PRORP: variants seen among roughly 807,000 people sequenced by gnomAD.
PRORP encodes protein only RNase P catalytic subunit.
Under a neutral mutation model 59.4 loss-of-function variants are expected in PRORP, and 51 were observed. The observed-to-expected ratio is 0.86, with a 90% CI of 0.69 to 1.08. The LOEUF is 1.08. PRORP is among the 50% of genes least tolerant of loss of function. PRORP has a pLI of 0.00. For synonymous variants in PRORP, 231 were observed against 245.6 expected (o/e 0.94, Z 0.55); for missense variants, 646 against 690.3 (o/e 0.94, Z 0.72).
intron 5 of PRORP, among the ~76,000 whole-genome samples, chr14:35,200,426 G>A (rs1034289033): frequency 2.0e-5 from 3 of 151,996 alleles, no homozygotes; most frequent in Non-Finnish European, 4.4e-5. Flanking sequence ...TCCTGACCTC[G>A]TGATCTGCCC....
chr14:35,211,981 A>G (rs932501558), intron 5 of PRORP, among the ~76,000 whole-genome samples: 2 of 152,228 alleles, frequency 1.3e-5, no homozygotes, highest in Non-Finnish European at 2.9e-5. Context: ...AACTAAACTT[A>G]TGGAATATTC....
chr14:35,256,144 C>T (rs983720692), intron 5 of PRORP, among the ~76,000 whole-genome samples: 13 of 150,380 alleles, frequency 8.6e-5, no homozygotes, highest in Middle Eastern at 3.4e-3. Context: ...ATTAGTTGGG[C>T]GTGGTGGCAG....
Position 35,276,735 on chromosome 14 carries a change from G to A in PRORP, c.*3169G>A, listed in dbSNP as rs888840835. ...ATTGTTAGTATCTTTAAAATCAGTT[G>A]TGAACAATGAAGGATTTGAAAGAGC... is the stretch of plus-strand genomic sequence containing the variant. On this transcript the variant is annotated 3_prime_UTR_variant, in exon 8 of 8. Transcript: ENST00000534898. The A allele has an allele frequency of 2.0e-5, 3 of 152,122 alleles. No individual in the cohort carries two copies. The highest frequency in any genetic ancestry group is 7.2e-5 in the African/African-American group (3 of 41,430). 9.4% of individuals were successfully genotyped at this position (152,122 alleles called of 1,614,324 possible).
intron 2 of PRORP, among the ~76,000 whole-genome samples, chr14:35,124,694 T>C (rs777246174): frequency 8.8e-5 from 13 of 147,762 alleles, no homozygotes; most frequent in Admixed American, 3.5e-4. Context: ...TAATTTTGTT[T>C]TCTTAGGCAT....
chr14:35,251,258 A>G (rs2138587820), intron 5 of PRORP, among the ~76,000 whole-genome samples: 1 of 152,254 alleles, frequency 6.6e-6, no homozygotes, highest in South Asian at 2.1e-4. Context: ...CAGTTCTTTT[A>G]TCCACTTGTT....
intron 4 of PRORP, among the ~76,000 whole-genome samples, chr14:35,159,601 A>G (rs1446191049): frequency 6.6e-6 from 1 of 152,186 alleles, no homozygotes; most frequent in Non-Finnish European, 1.5e-5. Flanking sequence ...CCTATTTTCC[A>G]CAATGCTTGG....
At chr14:35,265,986 G>A (rs544081204) in intron 5 of PRORP, among the ~76,000 whole-genome samples, 74 of 149,520 alleles carry the variant, frequency 4.9e-4, no homozygotes, top group African/African-American at 1.7e-3. Flanking sequence ...GACCAGCCTG[G>A]GCAGGATCGT....
At chr14:35,165,625 G>T (rs754052602) in intron 4 of PRORP, among the ~76,000 whole-genome samples, 2 of 126,192 alleles carry the variant, frequency 1.6e-5, no homozygotes, top group African/African-American at 3.1e-5. Flanking sequence ...GTGAGGAGAC[G>T]ATTAGGTGAT....
chr14:35,211,963 G>A (rs966466683), intron 5 of PRORP, among the ~76,000 whole-genome samples: 1 of 152,128 alleles, frequency 6.6e-6, no homozygotes, highest in Non-Finnish European at 1.5e-5. Flanking sequence ...CCTTTCACTT[G>A]CTGTATCAAC....
chr14:35,160,477 C>T (rs532913492), intron 4 of PRORP, among the ~76,000 whole-genome samples: 41 of 152,138 alleles, frequency 2.7e-4, no homozygotes, highest in African/African-American at 9.4e-4. Flanking sequence ...TCTCTGCTTC[C>T]GATTTTTTTC....
intron 5 of PRORP, among the ~76,000 whole-genome samples, chr14:35,254,199 T>A (rs2050690120): frequency 6.6e-6 from 1 of 152,036 alleles, no homozygotes; most frequent in Non-Finnish European, 1.5e-5. Flanking sequence ...CAATTCTGCT[T>A]TACTAACTCA....
At chr14:35,243,935 G>C (rs2050422401) in intron 5 of PRORP, among the ~76,000 whole-genome samples, 2 of 152,052 alleles carry the variant, frequency 1.3e-5, no homozygotes, top group African/African-American at 4.8e-5. Flanking sequence ...TTTTGGTTTA[G>C]GTCATTTTTT....
intron 5 of PRORP, among the ~76,000 whole-genome samples, chr14:35,235,993 G>C (rs770058002): frequency 6.6e-6 from 1 of 151,758 alleles, no homozygotes; most frequent in Non-Finnish European, 1.5e-5. Flanking sequence ...CTACTGGGGA[G>C]GCTGAGGTGG....
chr14:35,270,927 CA>C (rs1020878270), intron 7 of PRORP, among the ~76,000 whole-genome samples: 32 of 146,678 alleles, frequency 2.2e-4, no homozygotes, highest in Non-Finnish European at 2.7e-4. Flanking sequence ...ACTAAAAGTA[CA>C]AAAAAAAAAT....
rs893771170 is a variant in PRORP, at chr14:35,131,129, G to C, written c.1167+3518G>C. ...GGCTAGTTTTTGTATTTTTAATAGAGACGGGGTTTCACCATGTTGACCAGG... is the reference window on the plus strand; with the variant it reads ...GGCTAGTTTTTGTATTTTTAATAGACACGGGGTTTCACCATGTTGACCAGG... On this transcript the variant is annotated intron_variant, in intron 4 of 7. Coordinates refer to ENST00000534898, the MANE Select transcript of PRORP (RefSeq NM_014672.4). 5.3e-5 allele frequency among the ~76,000 whole-genome samples: 8 copies of C among 151,780 alleles called. No homozygotes were observed. The East Asian group carries it at 1.4e-3, about 26-fold the overall frequency.
intron 4 of PRORP, among the ~76,000 whole-genome samples, chr14:35,174,109 C>T (rs1377372342): frequency 1.3e-5 from 2 of 148,906 alleles, no homozygotes; most frequent in Non-Finnish European, 3.0e-5. Flanking sequence ...ACATCCCACT[C>T]ATTGAGGCAG....
In PRORP at chr14:35,273,450, G is replaced by C; in HGVS notation, c.1636G>C (p.Asp546His). The C allele has an allele frequency of 1.2e-6, 2 of 1,610,760 alleles. No homozygotes were observed. The highest frequency in any genetic ancestry group is 1.7e-6 in the Non-Finnish European group (2 of 1,178,708). ...KLTFQRILSY[D>H]TVVQTTGDSW... ...AATTCAACAGCGTATTCTCAGCTAT[G>C]ACACAGTGGTGCAAACAACTGGAGA... Residue 546 changes from aspartate (D) to histidine (H), a missense_variant, in exon 8 of 8, where the codon GAC becomes CAC. Transcript: ENST00000534898.
intron 5 of PRORP, chr14:35,235,440 C>T: frequency 1.5e-6 from 1 of 665,288 alleles, no homozygotes; most frequent in Non-Finnish European, 2.8e-6. Flanking sequence ...CAGTAAGGGA[C>T]CCCCATTTTA....
intron 5 of PRORP, among the ~76,000 whole-genome samples, chr14:35,265,640 G>T (rs2051018456): frequency 6.6e-6 from 1 of 152,014 alleles, no homozygotes; most frequent in African/African-American, 2.4e-5. Flanking sequence ...ATGAAAGGAG[G>T]CAGTATTAGC....
Sources: gnomAD v4.1 joint callset for allele counts (sites outside exome capture counted in the v4.1 genomes callset) on GRCh38, gnomAD v4.1.1 for gene constraint, MANE v1.5 for transcripts, NCBI Gene and HGNC (gene_info 2026-07-23, HGNC 2026-07-21) for gene names.